The following ARHGAP10 variants were observed in gnomAD, a reference collection of about 807,000 sequenced individuals.
The protein encoded by ARHGAP10 is Rho GTPase activating protein 10.
ARHGAP10 carries 87 observed loss-of-function variants against 108.6 expected under a neutral mutation model. That is an observed-to-expected ratio of 0.80 (90% CI 0.67 to 0.96). The LOEUF (loss-of-function observed/expected upper bound fraction) is 0.96, where lower values mean the gene tolerates loss of function less well. Among genes scored for constraint, ARHGAP10 ranks in the 40% least tolerant of loss-of-function variants. ARHGAP10 has a pLI of 0.00. For synonymous variants in ARHGAP10, 347 were observed against 341.1 expected, an observed-to-expected ratio of 1.02 and a Z score of -0.19; for missense variants, 939 against 954.5, an observed-to-expected ratio of 0.98 and a Z score of 0.21.
chr4:148,047,949 A>G (rs1341299396), intron 20 of ARHGAP10, among the ~76,000 whole-genome samples: 1 of 152,044 alleles, frequency 6.6e-6, no homozygotes, highest in Non-Finnish European at 1.5e-5. Flanking sequence ...CAGCCTCCCA[A>G]GTAGCTGGGA....
At chr4:147,980,618 C>T (rs1460584888) in intron 18 of ARHGAP10, among the ~76,000 whole-genome samples, 1 of 152,138 alleles carries the variant, frequency 6.6e-6, no homozygotes, top group Non-Finnish European at 1.5e-5. Context: ...GGTACCAGCT[C>T]TTTTTTGTAA....
intron 1 of ARHGAP10, among the ~76,000 whole-genome samples, chr4:147,814,224 A>G (rs547692455): frequency 6.6e-6 from 1 of 151,642 alleles, no homozygotes; most frequent in African/African-American, 2.4e-5. Context: ...TGGTTCATTT[A>G]GTTCTTATCA....
chr4:148,013,101 T>G (rs1490047972), intron 18 of ARHGAP10, among the ~76,000 whole-genome samples: 1 of 152,206 alleles, frequency 6.6e-6, no homozygotes, highest in Non-Finnish European at 1.5e-5. Context: ...TAATTCAGTA[T>G]GAAGGCTGAT....
intron 18 of ARHGAP10, among the ~76,000 whole-genome samples, chr4:147,974,802 G>A (rs1739531317): frequency 6.6e-6 from 1 of 152,134 alleles, no homozygotes; most frequent in African/African-American, 2.4e-5. Context: ...ACAGGGCTGG[G>A]GAGGCCTCAC....
intron 1 of ARHGAP10, among the ~76,000 whole-genome samples, chr4:147,785,552 A>G (rs1201120751): frequency 6.6e-6 from 1 of 152,198 alleles, no homozygotes; most frequent in African/African-American, 2.4e-5. Context: ...TATGATATCT[A>G]GGACATAAAT....
At chr4:147,880,051 G>A (rs564174943) in intron 9 of ARHGAP10, among the ~76,000 whole-genome samples, 1 of 152,312 alleles carries the variant, frequency 6.6e-6, no homozygotes, top group East Asian at 1.9e-4. Flanking sequence ...AACTAAAACA[G>A]CAAAGCATGA....
intron 1 of ARHGAP10, among the ~76,000 whole-genome samples, chr4:147,818,077 G>C (rs951220242): frequency 5.9e-5 from 9 of 151,958 alleles, no homozygotes; most frequent in Non-Finnish European, 1.2e-4. Flanking sequence ...TTGCCTCCAG[G>C]ACTTATTACC....
At chr4:148,068,907 C>G (rs993372481) in intron 22 of ARHGAP10, among the ~76,000 whole-genome samples, 2 of 152,198 alleles carry the variant, frequency 1.3e-5, no homozygotes, top group Non-Finnish European at 2.9e-5. Context: ...TCACACCCGT[C>G]TTGTTCCCTG....
At chr4:147,782,870 C>T (rs1047764836) in intron 1 of ARHGAP10, among the ~76,000 whole-genome samples, 1 of 141,052 alleles carries the variant, frequency 7.1e-6, no homozygotes, top group East Asian at 2.0e-4. Flanking sequence ...TATATAAAAA[C>T]AACATAAAAT....
intron 18 of ARHGAP10, among the ~76,000 whole-genome samples, chr4:148,011,441 G>T (rs367843010): frequency 3.3e-5 from 5 of 152,306 alleles, no homozygotes; most frequent in African/African-American, 9.6e-5. Context: ...CCCTGGGACT[G>T]TTGAGCACGG....
intron 9 of ARHGAP10, among the ~76,000 whole-genome samples, chr4:147,881,376 G>A (rs557812404): frequency 2.0e-5 from 3 of 152,118 alleles, no homozygotes; most frequent in East Asian, 3.9e-4. Flanking sequence ...GGTGGCTCAC[G>A]CCTGTAATCC....
At chr4:148,030,963 G>T (rs973965812) in intron 19 of ARHGAP10, among the ~76,000 whole-genome samples, 3 of 152,162 alleles carry the variant, frequency 2.0e-5, no homozygotes, top group Non-Finnish European at 4.4e-5. Context: ...GGTGGCCGAG[G>T]TGGGAGGATC....
intron 3 of ARHGAP10, among the ~76,000 whole-genome samples, chr4:147,836,996 C>T (rs555278763): frequency 3.9e-5 from 6 of 152,256 alleles, no homozygotes; most frequent in Non-Finnish European, 7.4e-5. Flanking sequence ...CCTATTTTTC[C>T]GTGCTGGAGG....
chr4:147,891,439 G>C (rs1735791707), intron 10 of ARHGAP10, among the ~76,000 whole-genome samples: 1 of 152,152 alleles, frequency 6.6e-6, no homozygotes, highest in African/African-American at 2.4e-5. Flanking sequence ...GATTTTCTAG[G>C]TCTAGAGGTT....
chr4:147,797,202 T>A (rs1731350032), intron 1 of ARHGAP10, among the ~76,000 whole-genome samples: 1 of 152,096 alleles, frequency 6.6e-6, no homozygotes, highest in African/African-American at 2.4e-5. Context: ...TCAAAGTTAT[T>A]CAATTTTTTT....
At chr4:147,964,969 A>C in intron 16 of ARHGAP10, 55 bp from the exon 17 acceptor site, 1 of 1,234,656 alleles carries the variant, frequency 8.1e-7, no homozygotes, top group South Asian at 1.6e-5. Flanking sequence ...TTCTCTATTA[A>C]CTATTGTTTT....
At chr4:148,006,000 TG>T (rs58463407) in intron 18 of ARHGAP10, among the ~76,000 whole-genome samples, 1 of 152,312 alleles carries the variant, frequency 6.6e-6, no homozygotes, top group African/African-American at 2.4e-5. Flanking sequence ...CGCAGAGATA[TG>T]GGGGTCTAAG....
intron 13 of ARHGAP10, among the ~76,000 whole-genome samples, chr4:147,921,025 A>G (rs753137544): frequency 7.2e-5 from 11 of 152,244 alleles, no homozygotes; most frequent in Non-Finnish European, 1.5e-4. Context: ...TTCAAAAAGT[A>G]AATATGAAAA....
chr4:147,865,830 C>T (rs1371806823), intron 6 of ARHGAP10: 1 of 152,190 alleles, frequency 6.6e-6, no homozygotes, highest in Non-Finnish European at 1.5e-5. Context: ...CTCCTCAAAG[C>T]TTTCTTTTTA....
Sources: gnomAD v4.1 joint callset for allele counts (sites outside exome capture counted in the v4.1 genomes callset) on GRCh38, gnomAD v4.1.1 for gene constraint, MANE v1.5 for transcripts, NCBI Gene and HGNC (gene_info 2026-07-23, HGNC 2026-07-21) for gene names.